Variants in PAPSS1 observed in about 807,000 individuals in gnomAD.
PAPSS1 encodes 3'-phosphoadenosine 5'-phosphosulfate synthase 1.
A neutral mutation model predicts 72.0 loss-of-function variants in PAPSS1; 50 were observed. The observed-to-expected ratio is 0.69, with a 90% CI of 0.55 to 0.88. The LOEUF (loss-of-function observed/expected upper bound fraction) is 0.88. PAPSS1 is among the 40% of genes least tolerant of loss of function. The pLI, the probability that PAPSS1 is intolerant of heterozygous loss-of-function variation, is 0.00. For synonymous variants in PAPSS1, 261 were observed against 263.6 expected (o/e 0.99, Z 0.09); for missense variants, 657 against 782.2 (o/e 0.84, Z 1.91).
At chr4:107,632,105 G>C (rs188234602) in intron 10 of PAPSS1, among the ~76,000 whole-genome samples, 109 of 152,078 alleles carry the variant, frequency 7.2e-4, no homozygotes, top group Non-Finnish European at 1.2e-3. Context: ...ATATATTTAT[G>C]TATTACTTAT....
At chr4:107,678,071 G>A (rs1727705372) in intron 5 of PAPSS1, among the ~76,000 whole-genome samples, 1 of 151,954 alleles carries the variant, frequency 6.6e-6, no homozygotes, top group African/African-American at 2.4e-5. Context: ...AGCATTAGGA[G>A]ATACACCTAA....
intron 9 of PAPSS1, 29 bp from the exon 10 acceptor site, chr4:107,645,099 T>G: frequency 1.4e-6 from 2 of 1,465,124 alleles, no homozygotes; most frequent in South Asian, 3.0e-5. Context: ...GAGTTAAGAA[T>G]AGCATGTTTC....
intron 1 of PAPSS1, among the ~76,000 whole-genome samples, chr4:107,714,053 G>C (rs1395611630): frequency 1.3e-5 from 2 of 151,880 alleles, no homozygotes; most frequent in East Asian, 1.9e-4. Context: ...TTTCAACTGG[G>C]CCCTATCCTC....
At chr4:107,647,727 G>A (rs183576994) in intron 9 of PAPSS1, among the ~76,000 whole-genome samples, 1 of 151,968 alleles carries the variant, frequency 6.6e-6, no homozygotes, top group East Asian at 1.9e-4. Flanking sequence ...TTTCTATTCC[G>A]CTTGGCCATT....
intron 5 of PAPSS1, 59 bp downstream of exon 5, chr4:107,681,956 A>T (rs1722626760): frequency 1.2e-6 from 1 of 831,126 alleles, no homozygotes; most frequent in Non-Finnish European, 2.0e-6. Flanking sequence ...TTTGGAGGGG[A>T]AAGATTATGA....
intron 2 of PAPSS1, among the ~76,000 whole-genome samples, chr4:107,698,077 T>C (rs1439649752): frequency 6.6e-6 from 1 of 152,192 alleles, no homozygotes; most frequent in Non-Finnish European, 1.5e-5. Flanking sequence ...ATAAATTTCT[T>C]CCACCTATTT....
Position 107,720,049 on chromosome 4 carries a change from C to T in PAPSS1, c.60+71G>A, listed in dbSNP as rs1320963744. 7 of 1,517,618 alleles carry T rather than the reference C, an allele frequency of 4.6e-6. No homozygotes were observed. In the East Asian group the frequency reaches 1.3e-4, roughly 28 times the overall value. The allele number at this position is 1,517,618 out of a possible 1,614,324, so 94.0% of individuals were successfully genotyped here. On this transcript the variant is annotated intron_variant, in intron 1 of 11. Transcript: ENST00000265174. ...GGATGCGGAGGAGGCGGGAGAGAGG[C>T]GGCGGCTCCGGAACGAGCTGCTCCC... is the stretch of plus-strand genomic sequence containing the variant.
chr4:107,637,711 A>G (rs1726426762), intron 10 of PAPSS1, among the ~76,000 whole-genome samples: 1 of 152,330 alleles, frequency 6.6e-6, no homozygotes, highest in African/African-American at 2.4e-5. Context: ...TTATATTCTC[A>G]AAGTGTTTAT....
chr4:107,709,250 A>C (rs1300617259), intron 1 of PAPSS1, among the ~76,000 whole-genome samples: 2 of 152,244 alleles, frequency 1.3e-5, no homozygotes, highest in Non-Finnish European at 2.9e-5. Flanking sequence ...ATCAAAGAGC[A>C]CTTTTATAAA....
intron 4 of PAPSS1, 146 bp from the exon 5 acceptor site, chr4:107,682,279 G>A (rs1722642370): frequency 7.4e-6 from 3 of 403,682 alleles, no homozygotes; most frequent in Non-Finnish European, 1.3e-5. Flanking sequence ...TCTTTCTTGG[G>A]AGATTTCTAA....
At chr4:107,631,508 C>A in intron 11 of PAPSS1, 123 bp downstream of exon 11, 1 of 633,368 alleles carries the variant, frequency 1.6e-6, no homozygotes. Flanking sequence ...TCTGGGTTTA[C>A]CTTTCTCTGA....
intron 5 of PAPSS1, among the ~76,000 whole-genome samples, chr4:107,674,006 T>G (rs941991741): frequency 2.6e-5 from 4 of 152,132 alleles, no homozygotes; most frequent in African/African-American, 9.7e-5. Context: ...CTAAGAGATT[T>G]TGTCACCACC....
At chr4:107,649,644 T>G (rs1726786502) in intron 9 of PAPSS1, among the ~76,000 whole-genome samples, 1 of 152,252 alleles carries the variant, frequency 6.6e-6, no homozygotes, top group African/African-American at 2.4e-5. Flanking sequence ...GATCTGCTTC[T>G]GCCTCAGCTT....
At chr4:107,671,324 C>T (rs1046426442) in intron 5 of PAPSS1, among the ~76,000 whole-genome samples, 21 of 149,948 alleles carry the variant, frequency 1.4e-4, no homozygotes, top group Non-Finnish European at 2.5e-4. Context: ...AGAGCCTACA[C>T]GTAGGAAAAG....
intron 5 of PAPSS1, among the ~76,000 whole-genome samples, chr4:107,677,080 C>A (rs1420626303): frequency 6.6e-6 from 1 of 152,130 alleles, no homozygotes; most frequent in African/African-American, 2.4e-5. Context: ...ACCATAAAAA[C>A]CCTAGAAGAA....
chr4:107,664,958 C>T (rs1280317945), intron 5 of PAPSS1, among the ~76,000 whole-genome samples: 2 of 152,200 alleles, frequency 1.3e-5, no homozygotes, highest in African/African-American at 2.4e-5. Context: ...TCAAAATTCA[C>T]ACCCAACAAT....
At chr4:107,646,133 A>C (rs1726685945) in intron 9 of PAPSS1, among the ~76,000 whole-genome samples, 1 of 152,146 alleles carries the variant, frequency 6.6e-6, no homozygotes, top group Non-Finnish European at 1.5e-5. Flanking sequence ...AAAAACAGAA[A>C]AGTCTTGATA....
chr4:107,673,910 A>G (rs1050997367), intron 5 of PAPSS1, among the ~76,000 whole-genome samples: 9 of 152,258 alleles, frequency 5.9e-5, no homozygotes, highest in Non-Finnish European at 1.3e-4. Context: ...CTTAAAGAAA[A>G]GAATTTTCAA....
intron 3 of PAPSS1, among the ~76,000 whole-genome samples, chr4:107,691,979 G>A (rs1025945319): frequency 2.7e-5 from 4 of 147,808 alleles, no homozygotes; most frequent in African/African-American, 9.9e-5. Context: ...TGCTAGAACT[G>A]GCTTGCCATA....
Sources: allele counts gnomAD v4.1 joint callset (sites outside exome capture counted in the v4.1 genomes callset), GRCh38; gene constraint gnomAD v4.1.1; transcripts MANE v1.5; gene names NCBI Gene and HGNC (gene_info 2026-07-23, HGNC 2026-07-21).